LRSAM1: variants seen among roughly 807,000 people sequenced by gnomAD.
LRSAM1 encodes the protein E3 ubiquitin-protein ligase LRSAM1.
A neutral mutation model predicts 118.1 loss-of-function variants in LRSAM1; 96 were observed. The observed-to-expected ratio is 0.81, with a 90% CI of 0.69 to 0.96. LRSAM1 has a LOEUF of 0.96. Among genes scored for constraint, LRSAM1 ranks in the 40% least tolerant of loss-of-function variants. The probability of loss-of-function intolerance (pLI) is 0.00; values close to 1 mark genes in which losing one functional copy is unlikely to be tolerated. For missense variants in LRSAM1, 804 were observed against 915.5 expected (o/e 0.88, Z 1.57); for synonymous variants, 322 against 364.2 (o/e 0.88, Z 1.32).
intron 24 of LRSAM1, among the ~76,000 whole-genome samples, chr9:127,498,652 G>A (rs544896032): frequency 6.6e-6 from 1 of 152,226 alleles, no homozygotes; most frequent in African/African-American, 2.4e-5. Flanking sequence ...GTGCCCATTG[G>A]CAGGGGAAGG....
Position 127,479,500 on chromosome 9 carries a change from A to G in LRSAM1, c.898A>G (p.Lys300Glu). The change falls in exon 13 of 26, where the codon AAG (lysine) becomes GAG (glutamate). Residue 300 changes from lysine to glutamate, a missense_variant. Physicochemically the swap from Lys to Glu is moderately conservative, Grantham distance 56. Coordinates refer to ENST00000300417, the MANE Select transcript of LRSAM1 (RefSeq NM_001005373.4). The stretch of plus-strand genomic sequence containing the variant: ...GAAGGATGAGATCCTTCAGACGGTC[A>G]AGGAGGTTTGTGAGCCGCCTGCTAG... ...SQKDEILQTV[K>E]EEQSRLEQGL... 6.2e-7 allele frequency: 1 copy of G among 1,613,898 alleles called. No individual in the cohort carries two copies. The highest frequency in any genetic ancestry group is 8.5e-7 in the Non-Finnish European group (1 of 1,179,932).
chr9:127,466,504 A>ATATATAT (rs1554755061), intron 9 of LRSAM1, among the ~76,000 whole-genome samples: 10 of 24,530 alleles, frequency 4.1e-4, no homozygotes, highest in African/African-American at 9.2e-4. Flanking sequence ...ATATATATAT[A>ATATATAT]TTTTTTTTTT....
chr9:127,464,134 G>C (rs1834846885), intron 9 of LRSAM1, among the ~76,000 whole-genome samples: 1 of 152,256 alleles, frequency 6.6e-6, no homozygotes, highest in South Asian at 2.1e-4. Context: ...AGCCTGCTGA[G>C]CAGAGGTGTC....
chr9:127,461,158 C>T lies in LRSAM1; in HGVS notation c.322-15C>T. Reference sequence around the variant, plus strand: ...CATAAGCCACTGCGCCTGGCTGCCTCTTCCTCTTTCTTAGGTCTTAAACGT... The same window carrying T: ...CATAAGCCACTGCGCCTGGCTGCCTTTTCCTCTTTCTTAGGTCTTAAACGT... On this transcript the variant is annotated splice_polypyrimidine_tract_variant and intron_variant, in intron 7 of 25. Coordinates refer to ENST00000300417, the MANE Select transcript of LRSAM1 (RefSeq NM_001005373.4). 1 of 1,606,290 alleles carries T rather than the reference C, an allele frequency of 6.2e-7. No individual in the cohort carries two copies. Among genetic ancestry groups the T allele is most frequent in the Non-Finnish European group, 8.5e-7 (1 of 1,174,648 alleles).
rs1564287793 is a variant in LRSAM1, at chr9:127,502,773, G to A, written c.2047-1G>A. On this transcript the variant is annotated splice_acceptor_variant, in intron 25 of 25. Coordinates refer to ENST00000300417, the MANE Select transcript of LRSAM1 (RefSeq NM_001005373.4). LOFTEE classifies it high-confidence loss of function. ...CACATGCTCCCGCTCTCCCTCCCCA[G>A]GCCCAGATGATCTTCCTCAACTGTG... 1 of 1,611,984 alleles carries A rather than the reference G, an allele frequency of 6.2e-7. No individual in the cohort carries two copies. Among genetic ancestry groups the A allele is most frequent in the Non-Finnish European group, 8.5e-7 (1 of 1,179,408 alleles).
At chr9:127,469,025 A>G (rs1197386137) in intron 10 of LRSAM1, among the ~76,000 whole-genome samples, 13 of 152,164 alleles carry the variant, frequency 8.5e-5, no homozygotes, top group African/African-American at 3.1e-4. Flanking sequence ...CTCAAAAGAT[A>G]CCATTTAGGG....
intron 3 of LRSAM1, 111 bp downstream of exon 3, chr9:127,454,710 C>T (rs75663017): frequency 6.9e-6 from 8 of 1,154,974 alleles, no homozygotes; most frequent in Non-Finnish European, 8.9e-6. Context: ...CTGCCTCCCC[C>T]ACCCACAGAA....
Position 127,502,980 on chromosome 9 carries a change from G to C in LRSAM1, c.*81G>C. 1 of 1,535,218 alleles carries C rather than the reference G, an allele frequency of 6.5e-7. No individual in the cohort carries two copies. The highest frequency in any genetic ancestry group is 8.8e-7 in the Non-Finnish European group (1 of 1,139,010). ...CGGGCTCCTGCTCAGCCTTGTGCCA[G>C]CCAGACTCGTATGAGGCTCCCCCCT... is the stretch of plus-strand genomic sequence containing the variant. On this transcript the variant is annotated 3_prime_UTR_variant, in exon 26 of 26. Transcript: ENST00000300417.
At chr9:127,474,460 A>T (rs1277568116) in intron 11 of LRSAM1, among the ~76,000 whole-genome samples, 2 of 151,756 alleles carry the variant, frequency 1.3e-5, no homozygotes, top group Non-Finnish European at 2.9e-5. Flanking sequence ...TAAACATTAC[A>T]TCCTCTGAGA....
intron 16 of LRSAM1, among the ~76,000 whole-genome samples, chr9:127,485,247 G>A (rs1390866342): frequency 9.2e-5 from 14 of 152,150 alleles, no homozygotes; most frequent in Non-Finnish European, 2.1e-4. Flanking sequence ...AGCCTTCCAA[G>A]CATACGTTGC....
At chr9:127,456,385 C>T (rs1255117207) in intron 5 of LRSAM1, among the ~76,000 whole-genome samples, 1 of 142,898 alleles carries the variant, frequency 7.0e-6, no homozygotes, top group East Asian at 2.0e-4. Context: ...AGGCGCCCAC[C>T]ACCATGCCCA....
At chr9:127,477,868 T>C (rs192507003) in intron 11 of LRSAM1, among the ~76,000 whole-genome samples, 10 of 152,080 alleles carry the variant, frequency 6.6e-5, no homozygotes, top group Non-Finnish European at 1.2e-4. Flanking sequence ...GCCAATATGG[T>C]GAAACCCTGT....
At chr9:127,478,418 C>T (rs958077188) in intron 11 of LRSAM1, among the ~76,000 whole-genome samples, 2 of 152,308 alleles carry the variant, frequency 1.3e-5, no homozygotes, top group African/African-American at 2.4e-5. Flanking sequence ...GCCCCATTGG[C>T]GGTTGTGTAA....
At chr9:127,468,235 A>G (rs2253669) in intron 10 of LRSAM1, among the ~76,000 whole-genome samples, 92,992 of 151,952 alleles carry the variant, frequency 0.61, 28,773 homozygotes, top group African/African-American at 0.64. Flanking sequence ...GAGAGATGGG[A>G]GAAGCCAAAG....
chr9:127,470,484 TTGAGG>T (rs1247231804), intron 10 of LRSAM1, among the ~76,000 whole-genome samples: 1 of 152,000 alleles, frequency 6.6e-6, no homozygotes, highest in Non-Finnish European at 1.5e-5. Flanking sequence ...AATTCAGAGA[TTGAGG>T]TGGGGACACA....
intron 6 of LRSAM1, among the ~76,000 whole-genome samples, chr9:127,457,755 C>T (rs1021756612): frequency 2.6e-5 from 4 of 152,140 alleles, no homozygotes; most frequent in African/African-American, 4.8e-5. Flanking sequence ...AGCTCCTCCC[C>T]GGATGGGCTG....
At chr9:127,481,336 C>A in intron 15 of LRSAM1, 109 bp downstream of exon 15, 2 of 1,207,836 alleles carry the variant, frequency 1.7e-6, no homozygotes, top group Non-Finnish European at 2.4e-6. Context: ...CAGTGCAACC[C>A]CCGCCGCCCA....
intron 18 of LRSAM1, 130 bp from the exon 19 acceptor site, chr9:127,489,314 C>A: frequency 9.2e-7 from 1 of 1,089,324 alleles, no homozygotes; most frequent in Non-Finnish European, 1.4e-6. Flanking sequence ...GAGGTGAAAT[C>A]TTCTCCCTCT....
At chr9:127,496,681 C>T (rs551751115) in intron 23 of LRSAM1, among the ~76,000 whole-genome samples, 282 of 152,272 alleles carry the variant, frequency 1.9e-3, no homozygotes, top group African/African-American at 6.5e-3. Flanking sequence ...GGCCCAAGGT[C>T]ACACAGCAGA....
Sources: gnomAD v4.1 joint callset for allele counts (sites outside exome capture counted in the v4.1 genomes callset) on GRCh38, gnomAD v4.1.1 for gene constraint, MANE v1.5 for transcripts, NCBI Gene and HGNC (gene_info 2026-07-23, HGNC 2026-07-21) for gene names.